Variants in MSI2 observed in about 807,000 individuals in gnomAD.
MSI2 encodes musashi RNA binding protein 2, also known as RNA-binding protein Musashi homolog 2.
A neutral mutation model predicts 45.6 loss-of-function variants in MSI2; 17 were observed. The observed-to-expected ratio is 0.37, with a 90% CI of 0.26 to 0.56. The LOEUF (loss-of-function observed/expected upper bound fraction) is 0.56. Among genes scored for constraint, MSI2 ranks in the 20% least tolerant of loss-of-function variants. The pLI is 0.77. For missense variants in MSI2, 293 were observed against 444.2 expected, an observed-to-expected ratio of 0.66 and a Z score of 3.06; for synonymous variants, 156 against 158.2, an observed-to-expected ratio of 0.99 and a Z score of 0.11.
At chr17:57,560,826 G>A (rs2144243821) in intron 7 of MSI2, among the ~76,000 whole-genome samples, 1 of 152,342 alleles carries the variant, frequency 6.6e-6, no homozygotes, top group Admixed American at 6.5e-5. Flanking sequence ...TGCCTTGCAG[G>A]TTGGTTTTGG....
At chr17:57,549,705 A>G (rs943882163) in intron 7 of MSI2, among the ~76,000 whole-genome samples, 3 of 152,186 alleles carry the variant, frequency 2.0e-5, no homozygotes, top group African/African-American at 7.2e-5. Context: ...AAGTAACTTG[A>G]CCAAGGTCAC....
intron 6 of MSI2, among the ~76,000 whole-genome samples, chr17:57,404,369 T>G (rs2084046535): frequency 1.3e-5 from 2 of 152,216 alleles, no homozygotes; most frequent in Non-Finnish European, 2.9e-5. Context: ...GAAGATATTG[T>G]GCCCTTCAGT....
chr17:57,290,346 G>A (rs2143456555), intron 5 of MSI2, among the ~76,000 whole-genome samples: 1 of 152,274 alleles, frequency 6.6e-6, no homozygotes, highest in South Asian at 2.1e-4. Context: ...GTCTCCCTCT[G>A]TTACCTAGGC....
chr17:57,671,105 T>C (rs1912740807), intron 11 of MSI2, among the ~76,000 whole-genome samples: 1 of 152,036 alleles, frequency 6.6e-6, no homozygotes, highest in Non-Finnish European at 1.5e-5. Context: ...CCAGAGGATA[T>C]TGGAGAGTGA....
At chr17:57,381,006 G>A (rs960612172) in intron 5 of MSI2, among the ~76,000 whole-genome samples, 2 of 152,092 alleles carry the variant, frequency 1.3e-5, no homozygotes, top group African/African-American at 4.8e-5. Flanking sequence ...TCCCACACCA[G>A]TGGCTCTTCC....
At chr17:57,690,764 T>A in the MSI2 span, among the ~76,000 whole-genome samples, 1 of 152,366 alleles carries the variant, frequency 6.6e-6, no homozygotes, top group East Asian at 1.9e-4. Flanking sequence ...GTTTTTCAAA[T>A]AGCAAAAGTT....
intron 11 of MSI2, among the ~76,000 whole-genome samples, chr17:57,669,626 A>G (rs1912633250): frequency 6.6e-6 from 1 of 152,238 alleles, no homozygotes; most frequent in Non-Finnish European, 1.5e-5. Context: ...TTTCTCTGAA[A>G]CAAAAACTCC....
intron 4 of MSI2, among the ~76,000 whole-genome samples, chr17:57,260,450 G>C (rs953723474): frequency 6.6e-6 from 1 of 151,954 alleles, no homozygotes; most frequent in African/African-American, 2.4e-5. Flanking sequence ...CCCCACACCT[G>C]TTACCCCATA....
intron 6 of MSI2, among the ~76,000 whole-genome samples, chr17:57,455,165 C>T (rs2085088975): frequency 6.6e-6 from 1 of 152,104 alleles, no homozygotes; most frequent in South Asian, 2.1e-4. Flanking sequence ...ATTAGAGCTT[C>T]CCTTTCTTTT....
chr17:57,444,118 C>A (rs563610388), intron 6 of MSI2, among the ~76,000 whole-genome samples: 63 of 152,264 alleles, frequency 4.1e-4, no homozygotes, highest in Middle Eastern at 3.4e-3. Context: ...AGAAAGGACT[C>A]GAGAGGCCTT....
At chr17:57,541,136 A>G (rs1480215360) in intron 7 of MSI2, among the ~76,000 whole-genome samples, 1 of 145,108 alleles carries the variant, frequency 6.9e-6, no homozygotes, top group Admixed American at 7.1e-5. Flanking sequence ...TTAGGATGTT[A>G]AAGATACATT....
At chr17:57,436,591 A>G (rs1598268247) in intron 6 of MSI2, among the ~76,000 whole-genome samples, 1 of 152,344 alleles carries the variant, frequency 6.6e-6, no homozygotes, top group East Asian at 1.9e-4. Flanking sequence ...GAGAGGTTCA[A>G]GAGCCTGGGG....
intron 6 of MSI2, among the ~76,000 whole-genome samples, chr17:57,519,398 A>G (rs897213979): frequency 3.3e-5 from 5 of 152,044 alleles, no homozygotes; most frequent in African/African-American, 1.2e-4. Flanking sequence ...AGGAAGCAAG[A>G]CACACTGAGT....
chr17:57,649,288 TCAACAAACA>T (rs1021055052), intron 10 of MSI2, among the ~76,000 whole-genome samples: 12 of 127,414 alleles, frequency 9.4e-5, no homozygotes, highest in African/African-American at 3.7e-4. Context: ...ATACGTACAC[TCAACAAACA>T]CAACACACAC....
At chr17:57,271,136 G>C (rs976706342) in intron 5 of MSI2, among the ~76,000 whole-genome samples, 1 of 152,132 alleles carries the variant, frequency 6.6e-6, no homozygotes, top group Non-Finnish European at 1.5e-5. Context: ...TTATCTGCCC[G>C]GGGGTAGCTC....
At chr17:57,697,154 A>ACATACACACACACACT in the MSI2 span, among the ~76,000 whole-genome samples, 16 of 151,766 alleles carry the variant, frequency 1.1e-4, no homozygotes, top group African/African-American at 2.7e-4. Flanking sequence ...ACACACACAC[A>ACATACACACACACACT]CACACACACA....
chr17:57,359,884 C>T (rs182648511), intron 5 of MSI2, among the ~76,000 whole-genome samples: 1 of 152,352 alleles, frequency 6.6e-6, no homozygotes, highest in East Asian at 1.9e-4. Flanking sequence ...CTCCCCACCC[C>T]TCGTGATGCC....
intron 10 of MSI2, among the ~76,000 whole-genome samples, chr17:57,638,441 T>G (rs994971591): frequency 3.3e-5 from 5 of 152,134 alleles, no homozygotes; most frequent in Non-Finnish European, 7.4e-5. Context: ...TGAAGGAGCA[T>G]CCCACGTGCG....
At chr17:57,485,880 T>C (rs1489189805) in intron 6 of MSI2, among the ~76,000 whole-genome samples, 5 of 152,200 alleles carry the variant, frequency 3.3e-5, no homozygotes, top group African/African-American at 1.2e-4. Flanking sequence ...AAGCAAGCCC[T>C]CAGGAACAAA....
Sources: gnomAD v4.1 joint callset for allele counts (sites outside exome capture counted in the v4.1 genomes callset) on GRCh38, gnomAD v4.1.1 for gene constraint, MANE v1.5 for transcripts, NCBI Gene and HGNC (gene_info 2026-07-23, HGNC 2026-07-21) for gene names.